Variants in PARD3 observed in about 807,000 individuals in gnomAD.
PARD3 encodes partitioning defective 3 homolog.
A neutral mutation model predicts 155.4 loss-of-function variants in PARD3; 75 were observed. The observed-to-expected ratio is 0.48, with a 90% confidence interval of 0.40 to 0.58. The LOEUF (loss-of-function observed/expected upper bound fraction) is 0.58. PARD3 is among the 20% of genes least tolerant of loss of function. The pLI is 0.00. For synonymous variants in PARD3, 576 were observed against 610.5 expected (o/e 0.94, Z 0.83); for missense variants, 1,642 against 1,721.7 (o/e 0.95, Z 0.82).
chr10:34,330,844 G>A (rs1278910965), intron 19 of PARD3, among the ~76,000 whole-genome samples: 1 of 152,006 alleles, frequency 6.6e-6, no homozygotes, highest in Non-Finnish European at 1.5e-5. Context: ...TTTAATATTG[G>A]CCTGTAAGAC....
At chr10:34,276,075 G>C (rs768801741) in intron 21 of PARD3, among the ~76,000 whole-genome samples, 1 of 152,000 alleles carries the variant, frequency 6.6e-6, no homozygotes, top group African/African-American at 2.4e-5. Context: ...GATTATCACA[G>C]GCAGTTGTAC....
chr10:34,301,972 G>C (rs1957175554), intron 20 of PARD3, among the ~76,000 whole-genome samples: 1 of 151,680 alleles, frequency 6.6e-6, no homozygotes, highest in Non-Finnish European at 1.5e-5. Flanking sequence ...ACATCACTCT[G>C]GTCTAGCCCT....
At chr10:34,643,488 T>A (rs756432236) in intron 2 of PARD3, among the ~76,000 whole-genome samples, 2 of 152,366 alleles carry the variant, frequency 1.3e-5, no homozygotes, top group African/African-American at 4.8e-5. Flanking sequence ...CACAGAAACA[T>A]AAAACGAATA....
rs533680817 is a variant in PARD3, at chr10:34,151,970, T to C, written c.3420-20387A>G. ...ATACATATATAGTACTAAGGAATTT[T>C]TAGAACTTTGGCAAATGAACATGCT... On this transcript the variant is annotated intron_variant, in intron 22 of 24. Transcript: ENST00000374788. Among the ~76,000 whole-genome samples, 3 of 152,344 alleles carry C rather than the reference T, an allele frequency of 2.0e-5. No homozygotes were observed. In the South Asian group the frequency reaches 6.2e-4, roughly 32 times the overall value.
chr10:34,330,741 G>A (rs987366906), intron 19 of PARD3, among the ~76,000 whole-genome samples: 2 of 152,062 alleles, frequency 1.3e-5, no homozygotes, highest in East Asian at 3.9e-4. Flanking sequence ...GCAACTTCGT[G>A]TTAACAGAAA....
intron 22 of PARD3, among the ~76,000 whole-genome samples, chr10:34,165,304 T>C (rs1949477559): frequency 6.6e-6 from 1 of 152,206 alleles, no homozygotes; most frequent in Non-Finnish European, 1.5e-5. Flanking sequence ...TCTGCTGAGC[T>C]GGCCAGCTTC....
chr10:34,622,179 A>G (rs1034795185), intron 2 of PARD3, among the ~76,000 whole-genome samples: 2 of 152,220 alleles, frequency 1.3e-5, no homozygotes, highest in Admixed American at 1.3e-4. Flanking sequence ...AAATATGCAG[A>G]AAAAAAGATA....
intron 1 of PARD3, among the ~76,000 whole-genome samples, chr10:34,735,327 G>C (rs1033972582): frequency 6.6e-6 from 1 of 152,120 alleles, no homozygotes; most frequent in Non-Finnish European, 1.5e-5. Context: ...CAGAAAATTT[G>C]AGAAAATATT....
At chr10:34,360,648 C>G (rs778261619) in intron 12 of PARD3, among the ~76,000 whole-genome samples, 1 of 151,944 alleles carries the variant, frequency 6.6e-6, no homozygotes, top group Non-Finnish European at 1.5e-5. Flanking sequence ...CATTTATCTC[C>G]CTTTTTATGA....
At chr10:34,524,672 C>T (rs773969) in intron 2 of PARD3, among the ~76,000 whole-genome samples, 12,046 of 152,270 alleles carry the variant, frequency 0.079, 755 homozygotes, top group African/African-American at 0.18. Flanking sequence ...CACTGTTACA[C>T]TGGTATCCAC....
In PARD3 at chr10:34,694,885, A is replaced by G. The variant is rs1360998442; in HGVS notation, c.222+1433T>C. 3.3e-5 allele frequency among the ~76,000 whole-genome samples: 5 copies of G among 152,150 alleles called. No homozygotes were observed. In the East Asian group the frequency reaches 9.6e-4, roughly 29 times the overall value. On this transcript the variant is annotated intron_variant, in intron 2 of 24. Coordinates refer to ENST00000374788, the MANE Select transcript of PARD3 (RefSeq NM_001184785.2). ...GCCAGGCATGATGCTAACTGTCAGG[A>G]ATATAGGTGTGAACAAGACACAACA...
intron 15 of PARD3, chr10:34,345,109 T>G (rs778432033): frequency 1.0e-6 from 1 of 984,066 alleles, no homozygotes; most frequent in East Asian, 1.1e-4. Context: ...ATCTCAGCAT[T>G]CCCCAGAGAG....
At chr10:34,673,798 C>G (rs1160430800) in intron 2 of PARD3, among the ~76,000 whole-genome samples, 1 of 152,106 alleles carries the variant, frequency 6.6e-6, no homozygotes, top group East Asian at 1.9e-4. Context: ...TGAGACCAGT[C>G]TGGGCAACAT....
chr10:34,279,910 A>G (rs1956081839), intron 21 of PARD3, among the ~76,000 whole-genome samples: 1 of 152,224 alleles, frequency 6.6e-6, no homozygotes, highest in Non-Finnish European at 1.5e-5. Context: ...GGAGGATTTA[A>G]TAAGAAATTA....
chr10:34,641,933 G>C (rs2092691071), intron 2 of PARD3, among the ~76,000 whole-genome samples: 1 of 152,130 alleles, frequency 6.6e-6, no homozygotes, highest in Non-Finnish European at 1.5e-5. Flanking sequence ...CTCCCCACCA[G>C]CTGTGCTTGA....
intron 2 of PARD3, among the ~76,000 whole-genome samples, chr10:34,606,066 A>C (rs2090391959): frequency 6.9e-6 from 1 of 144,868 alleles, no homozygotes; most frequent in South Asian, 2.2e-4. Flanking sequence ...ATATGAGGAA[A>C]AACTCCCCTT....
chr10:34,471,483 T>C (rs1281051338), intron 3 of PARD3, among the ~76,000 whole-genome samples: 1 of 152,222 alleles, frequency 6.6e-6, no homozygotes, highest in African/African-American at 2.4e-5. Context: ...ATTTAAATTA[T>C]GTTTAGAATA....
intron 20 of PARD3, among the ~76,000 whole-genome samples, chr10:34,305,317 G>A (rs1490536482): frequency 2.6e-5 from 4 of 152,178 alleles, no homozygotes; most frequent in African/African-American, 7.2e-5. Flanking sequence ...ACCTAGCAGC[G>A]GTAGTGAAAG....
chr10:34,321,969 C>T (rs568066583), intron 19 of PARD3, among the ~76,000 whole-genome samples: 1 of 152,126 alleles, frequency 6.6e-6, no homozygotes, highest in Admixed American at 6.6e-5. Context: ...TTTCCCCCCC[C>T]CATTGAGAAG....
Sources: gnomAD v4.1 joint callset for allele counts (sites outside exome capture counted in the v4.1 genomes callset) on GRCh38, gnomAD v4.1.1 for gene constraint, MANE v1.5 for transcripts, NCBI Gene and HGNC (gene_info 2026-07-23, HGNC 2026-07-21) for gene names.